The following ITGA10 variants were observed in gnomAD, a reference collection of about 807,000 sequenced individuals.
ITGA10 encodes integrin alpha-10.
Under a neutral mutation model 145.2 loss-of-function variants are expected in ITGA10, and 105 were observed. That is an observed-to-expected ratio of 0.72 (90% CI 0.62 to 0.85). The LOEUF (loss-of-function observed/expected upper bound fraction) is 0.85, where lower values mean the gene tolerates loss of function less well. Among genes scored for constraint, ITGA10 ranks in the 40% least tolerant of loss-of-function variants. The pLI is 0.00. For synonymous variants in ITGA10, 506 were observed against 557.8 expected (o/e 0.91, Z 1.31); for missense variants, 1,317 against 1,444.5 (o/e 0.91, Z 1.43).
intron 6 of ITGA10, among the ~76,000 whole-genome samples, 155 bp from the exon 7 acceptor site, chr1:145,904,355 G>A: frequency 6.6e-6 from 1 of 151,988 alleles, no homozygotes; most frequent in South Asian, 2.1e-4. Flanking sequence ...CCCCTTCCAA[G>A]CCCATCCATA....
At chr1:145,909,038 C>T (rs1553752328) in intron 1 of ITGA10, among the ~76,000 whole-genome samples, 1 of 152,004 alleles carries the variant, frequency 6.6e-6, no homozygotes, top group Non-Finnish European at 1.5e-5. Context: ...CATGGTGGCT[C>T]ATGCCTATAA....
chr1:145,904,045 G>A lies in ITGA10; in HGVS notation c.758+7C>T, dbSNP rs781979871. The A allele has an allele frequency of 6.2e-7, 1 of 1,613,524 alleles. No individual in the cohort carries two copies. Among genetic ancestry groups the A allele is most frequent in the African/African-American group, 1.3e-5 (1 of 74,824 alleles). ...AGCCTCCCACACCTGTCTTCCCAATGCCTCACCAGGCCACCATTATTGCTT... is the reference window on the plus strand; with the variant it reads ...AGCCTCCCACACCTGTCTTCCCAATACCTCACCAGGCCACCATTATTGCTT... On this transcript the variant is annotated splice_region_variant and intron_variant, in intron 7 of 29. Coordinates refer to ENST00000369304, the MANE Select transcript of ITGA10 (RefSeq NM_003637.5).
At position 145,901,275 on chromosome 1, in the gene ITGA10, C is replaced by G; in HGVS notation, c.1447G>C (p.Gly483Arg). 1 of 1,614,070 alleles carries G rather than the reference C, an allele frequency of 6.2e-7. No individual in the cohort carries two copies. The highest frequency in any genetic ancestry group is 2.2e-5 in the East Asian group (1 of 44,886). ...VAQSLQGEQI[G>R]SYFGSELCPL... is the part of the protein sequence containing the mutation. ...CAGAGCTCACTGCCAAAGTATGAAC[C>G]AATCTGGGGAATGGTGGGTGATGAT... The change falls in exon 13 of 30, where the codon GGT becomes CGT. Residue 483 changes from glycine to arginine, a missense_variant. By Grantham distance (125) the Gly-to-Arg change is moderately radical. Transcript: ENST00000369304. The surrounding 1 kb of genome is among the most constrained non-coding windows in gnomAD (Gnocchi z 4.3).
intron 24 of ITGA10, 35 bp from the exon 25 acceptor site, chr1:145,896,131 G>C: frequency 6.4e-7 from 1 of 1,563,644 alleles, no homozygotes; most frequent in Non-Finnish European, 8.8e-7. Context: ...AGAAGTGGGA[G>C]ACAGAAGACC....
chr1:145,900,210 T>C (rs1403244573), intron 14 of ITGA10, 23 bp from the exon 15 acceptor site: 1 of 1,603,466 alleles, frequency 6.2e-7, no homozygotes, highest in Non-Finnish European at 8.5e-7. Flanking sequence ...GAGAGAATAC[T>C]GAGGCAGGGA....
chr1:145,904,244 G>C (rs781982812), intron 6 of ITGA10, 44 bp from the exon 7 acceptor site: 4 of 1,590,668 alleles, frequency 2.5e-6, no homozygotes, highest in Non-Finnish European at 3.5e-6. Flanking sequence ...TATGTGAGAT[G>C]GGGGGAGAGG....
Position 145,909,990 on chromosome 1 carries a change from G to A in ITGA10, c.25C>T (p.Leu9=). 1 of 1,613,460 alleles carries A rather than the reference G, an allele frequency of 6.2e-7. No homozygotes were observed. Among genetic ancestry groups the A allele is most frequent in the South Asian group, 1.1e-5 (1 of 91,072 alleles). Reference sequence around the variant, plus strand: ...GTCAGGAACACCAGGGGCAAGAACAGGTGAGTGACGAAGGGGAGTTCCATG... The same window carrying A: ...GTCAGGAACACCAGGGGCAAGAACAAGTGAGTGACGAAGGGGAGTTCCATG... MELPFVTH[L]FLPLVFLTGL... The change falls in exon 1 of 30, where the codon CTG becomes TTG. Residue 9 remains leucine, a synonymous_variant. Coordinates refer to ENST00000369304, the MANE Select transcript of ITGA10 (RefSeq NM_003637.5).
Position 145,901,611 on chromosome 1 carries a change from CAG to C in ITGA10, c.1346_1347del (p.Ser449TrpfsTer6), listed in dbSNP as rs1553748596. 1.2e-6 allele frequency: 2 copies of C among 1,600,854 alleles called. No homozygotes were observed. Among genetic ancestry groups the C allele is most frequent in the Admixed American group, 1.8e-5 (1 of 56,466 alleles). On this transcript the variant is annotated frameshift_variant, in exon 12 of 30. Coordinates refer to ENST00000369304, the MANE Select transcript of ITGA10 (RefSeq NM_003637.5). LOFTEE classifies it high-confidence loss of function. This position sits in a 1 kb window ranked among gnomAD's most constrained non-coding sequence, Gnocchi z 4.3. ...CCTCGATGTCTAAATCGAGGAGCCC[CAG>C]AGAGAAACAGGCGGCGTCCACCCCG... ...LLRGGRRLFL[S>X]GAPRFRHRGK...
chr1:145,909,192 C>T (rs1042591294), intron 1 of ITGA10, among the ~76,000 whole-genome samples: 1 of 151,228 alleles, frequency 6.6e-6, no homozygotes, highest in Middle Eastern at 3.4e-3. Flanking sequence ...CCCAGCTACT[C>T]GGGAGGCTAA....
At chr1:145,897,719 G>A (rs1306598062) in intron 19 of ITGA10, 66 bp from the exon 20 acceptor site, 1 of 1,612,400 alleles carries the variant, frequency 6.2e-7, no homozygotes, top group Non-Finnish European at 8.5e-7. Context: ...TCTCACTTTT[G>A]TTATCATGGG....
At chr1:145,898,361 AT>A in intron 17 of ITGA10, 138 bp from the exon 18 acceptor site, 1 of 262,364 alleles carries the variant, frequency 3.8e-6, no homozygotes, top group Non-Finnish European at 7.0e-6. Context: ...TAATTAGTTA[AT>A]TTATTTATTT....
At position 145,906,322 on chromosome 1, in the gene ITGA10, C is replaced by T. The variant is rs944113524; in HGVS notation, c.481+72G>A. ...GCAGGCCCTTTGCCAGGCATCATAC[C>T]GCTTTGCCCCATCTTTTTCCCACCC... On this transcript the variant is annotated intron_variant, in intron 5 of 29. Coordinates refer to ENST00000369304, the MANE Select transcript of ITGA10 (RefSeq NM_003637.5). 1.1e-5 allele frequency: 13 copies of T among 1,146,934 alleles called. No homozygotes were observed. In the Middle Eastern group the frequency reaches 5.8e-4, roughly 51 times the overall value. The allele number at this position is 1,146,934 out of a possible 1,614,324, so 71.0% of individuals were successfully genotyped here.
rs1553750274 is a variant in ITGA10, at chr1:145,904,187, T to A, written c.623A>T (p.Gln208Leu). The A allele has an allele frequency of 6.2e-7, 1 of 1,614,184 alleles. No individual in the cohort carries two copies. The highest frequency in any genetic ancestry group is 8.5e-7 in the Non-Finnish European group (1 of 1,180,026). Residue 208 changes from glutamine to leucine, a missense_variant, in exon 7 of 30, where the codon CAG becomes CTG. By Grantham distance (113) the Gln-to-Leu change is moderately radical. Coordinates refer to ENST00000369304, the MANE Select transcript of ITGA10 (RefSeq NM_003637.5). ...CTCATGTACAGGGCTCTCCCCATAC[T>A]GTACCAGTCCCACCTGGGAATAAAG... ...DPEQIQVGLV[Q>L]YGESPVHEWS... is the part of the protein sequence containing the mutation.
rs782141775 is a variant in ITGA10 at position 145,899,339 on chromosome 1, G to C, written c.1925C>G (p.Ser642Cys). The change falls in exon 16 of 30, where the codon TCC becomes TGC. Residue 642 changes from serine to cysteine, a missense_variant and splice_region_variant. Physicochemically the swap from Ser to Cys is moderately radical, Grantham distance 112 (BLOSUM62 -1). Transcript: ENST00000369304. The stretch of plus-strand genomic sequence containing the variant: ...TGGGGTCAGATGGACAATGGGCCGG[G>C]AGCTGGGAACAGTGTGGAAAAGAAA... ...GAQGAAILLS[S>C]RPIVHLTPSL... 1.6e-5 allele frequency: 26 copies of C among 1,613,824 alleles called. No individual in the cohort carries two copies. Among genetic ancestry groups the C allele is most frequent in the Non-Finnish European group, 2.1e-5 (25 of 1,179,782 alleles).
chr1:145,905,807 C>T, intron 5 of ITGA10: 1 of 151,870 alleles, frequency 6.6e-6, no homozygotes, highest in Non-Finnish European at 1.5e-5. Flanking sequence ...GGTCTCAAAC[C>T]TCCAGACCTC....
In ITGA10 at chr1:145,901,249, G is replaced by A. The variant is rs782787626; in HGVS notation, c.1473C>T (p.Cys491=). The change falls in exon 13 of 30, where the codon TGC becomes TGT. Residue 491 remains cysteine, a synonymous_variant. Transcript: ENST00000369304. This position sits in a 1 kb window ranked among gnomAD's most constrained non-coding sequence, Gnocchi z 4.3. The part of the protein sequence containing the change: ...QIGSYFGSEL[C]PLDTDRDGTT... ...TTCCATCCCTATCTGTATCCAATGG[G>A]CAGAGCTCACTGCCAAAGTATGAAC... is the stretch of plus-strand genomic sequence containing the variant. 5.6e-6 allele frequency: 9 copies of A among 1,614,070 alleles called. No homozygotes were observed. Among genetic ancestry groups the A allele is most frequent in the Non-Finnish European group, 7.6e-6 (9 of 1,180,002 alleles).
Position 145,899,464 on chromosome 1 carries a change from T to TC in ITGA10, c.1923-124dup. 3 of 1,041,158 alleles carry TC rather than the reference T, an allele frequency of 2.9e-6. No homozygotes were observed. In the South Asian group the frequency reaches 4.6e-5, roughly 16 times the overall value. The allele number at this position is 1,041,158 out of a possible 1,614,324, so 64.5% of individuals were successfully genotyped here. On this transcript the variant is annotated intron_variant, in intron 15 of 29. Coordinates refer to ENST00000369304, the MANE Select transcript of ITGA10 (RefSeq NM_003637.5). ...GAGGGGCTGAATGCACATGTCACCC[T>TC]CCCCCGAACCCTCTGACAGAAGTAA...
Position 145,896,811 on chromosome 1 carries a change from G to A in ITGA10, c.2792C>T (p.Thr931Ile). 6.2e-7 allele frequency: 1 copy of A among 1,614,042 alleles called. No homozygotes were observed. Reference protein sequence around the residue: ...NGTLQDNTAQTSAYIQYEPHL... With the variant: ...NGTLQDNTAQISAYIQYEPHL... ...GGGCTCATATTGGATGTAGGCTGAG[G>A]TCTGGGCTGTGTTATCTTGAAGGGT... The change falls in exon 23 of 30, where the codon ACC (threonine) becomes ATC (isoleucine). Residue 931 changes from threonine to isoleucine, a missense_variant. Transcript: ENST00000369304.
intron 5 of ITGA10, 42 bp downstream of exon 5, chr1:145,906,352 T>C (rs1657136844): frequency 6.8e-7 from 1 of 1,471,998 alleles, no homozygotes. Flanking sequence ...CCACCCAGTA[T>C]CTCCTTCTGG....
Sources: allele counts gnomAD v4.1 joint callset (sites outside exome capture counted in the v4.1 genomes callset), GRCh38; gene constraint gnomAD v4.1.1; non-coding constraint Gnocchi (gnomAD v3.1); transcripts MANE v1.5; gene names NCBI Gene and HGNC (gene_info 2026-07-23, HGNC 2026-07-21).